ZKSCAN5: variants seen among roughly 807,000 people sequenced by gnomAD.
ZKSCAN5 encodes the protein zinc finger protein with KRAB and SCAN domains 5.
In ZKSCAN5, 28 loss-of-function variants were observed where a neutral mutation model predicts 60.0. That is an observed-to-expected ratio of 0.47 (90% CI 0.35 to 0.64). The LOEUF is 0.64. ZKSCAN5 is among the 30% of genes least tolerant of loss of function. The pLI is 0.01. For synonymous variants in ZKSCAN5, 361 were observed against 371.2 expected, an observed-to-expected ratio of 0.97 and a Z score of 0.31; for missense variants, 881 against 1,034.6, an observed-to-expected ratio of 0.85 and a Z score of 2.04.
At chr7:99,515,873 C>T (rs375684221) in intron 3 of ZKSCAN5, among the ~76,000 whole-genome samples, 3 of 151,586 alleles carry the variant, frequency 2.0e-5, no homozygotes, top group African/African-American at 2.4e-5. Flanking sequence ...GCTGAGTCCT[C>T]GAGAGGTTAA....
chr7:99,531,515 C>T lies in ZKSCAN5; in HGVS notation c.1786C>T (p.Gln596Ter). 2 of 1,614,182 alleles carry T rather than the reference C, an allele frequency of 1.2e-6. No homozygotes were observed. Among genetic ancestry groups the T allele is most frequent in the Non-Finnish European group, 1.7e-6 (2 of 1,180,042 alleles). The change falls in exon 7 of 7, where the codon CAG (glutamine) becomes TAG (stop). Residue 596 changes from glutamine to a stop codon, truncating the protein, a stop_gained. Transcript: ENST00000326775. LOFTEE classifies it high-confidence loss of function. ...YNQRVHLTQH[Q>*]RVHTGEKPYT... The stretch of plus-strand genomic sequence containing the variant: ...CCAACGCGTGCACCTAACTCAGCAT[C>T]AGCGCGTCCACACAGGTGAGAAGCC...
intron 5 of ZKSCAN5, among the ~76,000 whole-genome samples, chr7:99,523,026 A>G (rs1204022284): frequency 6.6e-6 from 1 of 150,826 alleles, no homozygotes; most frequent in Non-Finnish European, 1.5e-5. Flanking sequence ...TTATCCGGGC[A>G]TGGTGGCACG....
intron 5 of ZKSCAN5, among the ~76,000 whole-genome samples, chr7:99,520,708 T>A (rs1269987593): frequency 6.6e-6 from 1 of 152,158 alleles, no homozygotes. Context: ...TTTAATAGAT[T>A]GGATAATTTT....
intron 6 of ZKSCAN5, among the ~76,000 whole-genome samples, chr7:99,528,299 C>T (rs1023145655): frequency 1.3e-5 from 2 of 151,974 alleles, no homozygotes; most frequent in African/African-American, 4.8e-5. Flanking sequence ...CCACCAATAG[C>T]GCTTTGGACT....
intron 6 of ZKSCAN5, 89 bp from the exon 7 acceptor site, chr7:99,531,019 T>G: frequency 8.2e-7 from 1 of 1,212,540 alleles, no homozygotes; most frequent in Non-Finnish European, 1.2e-6. Flanking sequence ...ATCGCATCAT[T>G]GCACTCTAGC....
chr7:99,506,271 G>A lies in ZKSCAN5; in HGVS notation c.227G>A (p.Cys76Tyr), dbSNP rs1800721867. The A allele has an allele frequency of 6.2e-7, 1 of 1,614,240 alleles. No individual in the cohort carries two copies. Among genetic ancestry groups the A allele is most frequent in the African/African-American group, 1.3e-5 (1 of 75,068 alleles). Residue 76 changes from cysteine to tyrosine, a missense_variant, in exon 2 of 7, where the codon TGT (cysteine) becomes TAT (tyrosine). Physicochemically the swap from Cys to Tyr is radical, Grantham distance 194. This residue lies in a region of ZKSCAN5 where 53 missense variants were observed against 88.7 expected (regional missense o/e 0.60). Transcript: ENST00000326775. ...CTCAGCCAACTCCGGGTGCTCTGCT[G>A]TGAGTGGCTGAGGCCCGAGCTGCAC... ...EALSQLRVLC[C>Y]EWLRPELHTK...
chr7:99,512,381 A>G, intron 2 of ZKSCAN5, 72 bp from the exon 3 acceptor site: 1 of 1,542,734 alleles, frequency 6.5e-7, no homozygotes, highest in Non-Finnish European at 8.8e-7. Flanking sequence ...ATGAAAGTCC[A>G]CCATGATTCT....
Position 99,526,300 on chromosome 7 carries a change from CCA to C in ZKSCAN5, c.1263_1264del (p.His421GlnfsTer13), listed in dbSNP as rs1562914465. 1 of 1,612,446 alleles carries C rather than the reference CCA, an allele frequency of 6.2e-7. No individual in the cohort carries two copies. The highest frequency in any genetic ancestry group is 1.7e-5 in the Admixed American group (1 of 60,018). On this transcript the variant is annotated frameshift_variant, in exon 6 of 7. Coordinates refer to ENST00000326775, the MANE Select transcript of ZKSCAN5 (RefSeq NM_145102.4). LOFTEE classifies it high-confidence loss of function. Reference sequence around the variant, plus strand: ...GGGTGAGTTCCCACCTGGTTCAGCACCACAGTGTCCACAGCGGAGAGAGGCCC... The same window carrying C: ...GGGTGAGTTCCCACCTGGTTCAGCACCAGTGTCCACAGCGGAGAGAGGCCC... ...FRVSSHLVQH[H>X]SVHSGERPYG...
chr7:99,532,309 A>G lies in ZKSCAN5; in HGVS notation c.*60A>G. Reference sequence around the variant, plus strand: ...GGAAACCATACTCCTATAATGAGCAAAGTAACAACTTCAAGCATTTTTCCA... The same window carrying G: ...GGAAACCATACTCCTATAATGAGCAGAGTAACAACTTCAAGCATTTTTCCA... On this transcript the variant is annotated 3_prime_UTR_variant, in exon 7 of 7. Coordinates refer to ENST00000326775, the MANE Select transcript of ZKSCAN5 (RefSeq NM_145102.4). 2 of 1,460,572 alleles carry G rather than the reference A, an allele frequency of 1.4e-6. No homozygotes were observed. Among genetic ancestry groups the G allele is most frequent in the South Asian group, 2.9e-5 (2 of 68,466 alleles). 90.5% of individuals were successfully genotyped at this position (1,460,572 alleles called of 1,614,324 possible). A position where few individuals can be genotyped will look rare whatever the true frequency, so the allele number is the denominator to read the frequency against.
chr7:99,519,469 G>A (rs1801421579), intron 3 of ZKSCAN5, among the ~76,000 whole-genome samples: 1 of 152,062 alleles, frequency 6.6e-6, no homozygotes, highest in Non-Finnish European at 1.5e-5. Context: ...GTAGAGATGG[G>A]ATTTTGCCTT....
intron 2 of ZKSCAN5, among the ~76,000 whole-genome samples, chr7:99,509,488 A>G (rs983468191): frequency 6.9e-5 from 10 of 144,644 alleles, no homozygotes; most frequent in African/African-American, 2.1e-4. Flanking sequence ...TTTTTTTGAG[A>G]CAGAGTCTCA....
At chr7:99,508,700 G>T (rs1029062165) in intron 2 of ZKSCAN5, among the ~76,000 whole-genome samples, 8 of 149,504 alleles carry the variant, frequency 5.4e-5, no homozygotes, top group African/African-American at 2.0e-4. Context: ...AGTGAGCCGA[G>T]ATTGCGCCAC....
chr7:99,524,358 GCCA>G (rs1271854842), intron 5 of ZKSCAN5, among the ~76,000 whole-genome samples: 2 of 152,126 alleles, frequency 1.3e-5, no homozygotes, highest in African/African-American at 4.8e-5. Context: ...ACAGGCGTGA[GCCA>G]CCACACCCGG....
At chr7:99,508,749 CAA>C (rs989645444) in intron 2 of ZKSCAN5, among the ~76,000 whole-genome samples, 19 of 114,888 alleles carry the variant, frequency 1.7e-4, no homozygotes, top group Non-Finnish European at 2.0e-4. Flanking sequence ...ACTCCCATCT[CAA>C]AAAAAAAAAA....
At chr7:99,531,079 C>A in intron 6 of ZKSCAN5, 29 bp from the exon 7 acceptor site, 1 of 1,535,422 alleles carries the variant, frequency 6.5e-7, no homozygotes, top group South Asian at 1.3e-5. Flanking sequence ...GAACTGATGA[C>A]ATTTTCACTT....
intron 5 of ZKSCAN5, among the ~76,000 whole-genome samples, chr7:99,525,036 T>G (rs1801710948): frequency 1.3e-5 from 2 of 151,794 alleles, no homozygotes; most frequent in Admixed American, 6.6e-5. Context: ...CGTGGTGATG[T>G]GCGCCTGTAG....
At chr7:99,510,764 A>G (rs1235378262) in intron 2 of ZKSCAN5, among the ~76,000 whole-genome samples, 1 of 150,674 alleles carries the variant, frequency 6.6e-6, no homozygotes, top group Non-Finnish European at 1.5e-5. Flanking sequence ...TTTTTTTGAG[A>G]CAGAATCTTG....
At position 99,530,034 on chromosome 7, in the gene ZKSCAN5, CT is replaced by C. The variant is rs34431974; in HGVS notation, c.1379-1055del. 9.7e-4 allele frequency among the ~76,000 whole-genome samples: 102 copies of C among 105,158 alleles called. No homozygotes were observed. The East Asian group carries it at 0.011, about 11-fold the overall frequency. The allele number at this position is 105,158 out of a possible 152,430, so 69.0% of individuals were successfully genotyped here. A position where few individuals can be genotyped will look rare whatever the true frequency, so the allele number is the denominator to read the frequency against. On this transcript the variant is annotated intron_variant, in intron 6 of 6. Transcript: ENST00000326775. Reference sequence around the variant, plus strand: ...CAGGCGTGAGCCACCTGCACCCGGCCTTTTTTTTTTTTTTTTTTTGAGATGG... The same window carrying C: ...CAGGCGTGAGCCACCTGCACCCGGCCTTTTTTTTTTTTTTTTTTGAGATGG...
chr7:99,505,815 T>A (rs571933915), intron 1 of ZKSCAN5, 190 bp from the exon 2 acceptor site: 1 of 444,814 alleles, frequency 2.2e-6, no homozygotes, highest in South Asian at 2.7e-5. Context: ...TATCATTTTG[T>A]GGGTGAAGTG....
Sources: gnomAD v4.1 joint callset for allele counts (sites outside exome capture counted in the v4.1 genomes callset) on GRCh38, gnomAD v4.1.1 for gene constraint, gnomAD v4.1.1 regional missense constraint, MANE v1.5 for transcripts, NCBI Gene and HGNC (gene_info 2026-07-23, HGNC 2026-07-21) for gene names.